The following SUGCT variants were observed in gnomAD, a reference collection of about 807,000 sequenced individuals.
SUGCT encodes succinyl-CoA:glutarate CoA-transferase.
In SUGCT, 41 loss-of-function variants were observed where a neutral mutation model predicts 55.0. That is an observed-to-expected ratio of 0.74 (90% confidence interval 0.58 to 0.97). SUGCT has a LOEUF of 0.97. Ranked by LOEUF, SUGCT falls within the 50% of genes least tolerant of loss-of-function variation. The pLI, the probability that SUGCT is intolerant of heterozygous loss-of-function variation, is 0.00. For missense variants in SUGCT, 568 were observed against 547.8 expected, an observed-to-expected ratio of 1.04 and a Z score of -0.37; for synonymous variants, 187 against 200.4, an observed-to-expected ratio of 0.93 and a Z score of 0.56.
At chr7:40,660,601 T>C (rs560482997) in intron 12 of SUGCT, among the ~76,000 whole-genome samples, 68 of 152,140 alleles carry the variant, frequency 4.5e-4, no homozygotes, top group Non-Finnish European at 7.3e-4. Context: ...CACTCATCAG[T>C]TCTCAGACCT....
At chr7:40,376,951 C>T (rs904298526) in intron 9 of SUGCT, among the ~76,000 whole-genome samples, 7 of 151,148 alleles carry the variant, frequency 4.6e-5, no homozygotes, top group Non-Finnish European at 1.0e-4. Context: ...TATTTTTTCC[C>T]CCAGCGTGTT....
chr7:40,390,858 G>A (rs1785388565), intron 9 of SUGCT, among the ~76,000 whole-genome samples: 1 of 152,130 alleles, frequency 6.6e-6, no homozygotes, highest in African/African-American at 2.4e-5. Context: ...AAAGCTGGAG[G>A]CATCACGCTA....
chr7:40,232,352 C>T (rs1788769962), intron 6 of SUGCT, among the ~76,000 whole-genome samples: 1 of 152,108 alleles, frequency 6.6e-6, no homozygotes, highest in African/African-American at 2.4e-5. Context: ...GCAGTGATGA[C>T]CTACTGAAGG....
rs185407972 is a variant in SUGCT at position 40,853,350 on chromosome 7, G to A, written c.1154-6966G>A. Among the ~76,000 whole-genome samples the A allele has an allele frequency of 7.9e-5, 12 of 152,108 alleles. No homozygotes were observed. The East Asian group carries it at 2.3e-3, about 29-fold the overall frequency. ...TATTGATTGACAGAGCATGAGCCAT[G>A]GAGTCTAATAGATAGAAGCTCTTTT... is the stretch of plus-strand genomic sequence containing the variant. On this transcript the variant is annotated intron_variant, in intron 13 of 13. Coordinates refer to ENST00000335693, the MANE Select transcript of SUGCT (RefSeq NM_001193313.2).
the SUGCT span, among the ~76,000 whole-genome samples, chr7:41,036,930 C>G: frequency 6.6e-6 from 1 of 152,212 alleles, no homozygotes; most frequent in Non-Finnish European, 1.5e-5. Context: ...CAGGCACAAA[C>G]TTTGAGTCTA....
At chr7:40,597,121 T>G (rs1014237794) in intron 12 of SUGCT, among the ~76,000 whole-genome samples, 1 of 152,230 alleles carries the variant, frequency 6.6e-6, no homozygotes, top group African/African-American at 2.4e-5. Flanking sequence ...CTAGAACTTA[T>G]ATCTTTTTGT....
intron 12 of SUGCT, chr7:40,538,473 T>C (rs1413368639): frequency 1.3e-5 from 2 of 152,194 alleles, no homozygotes; most frequent in Non-Finnish European, 2.9e-5. Context: ...CCCTCCTTCC[T>C]AAAATGGTCT....
chr7:40,617,154 A>G (rs1201382170), intron 12 of SUGCT, among the ~76,000 whole-genome samples: 1 of 152,182 alleles, frequency 6.6e-6, no homozygotes. Context: ...GAAGAAATCA[A>G]TCCTAAAGAC....
chr7:40,406,480 C>T (rs1184239799), intron 9 of SUGCT, among the ~76,000 whole-genome samples: 2 of 152,132 alleles, frequency 1.3e-5, no homozygotes, highest in Non-Finnish European at 2.9e-5. Flanking sequence ...AAGTAAATTC[C>T]TCTCAAGTTT....
chr7:40,239,025 T>A (rs1364513312), intron 7 of SUGCT, among the ~76,000 whole-genome samples: 2 of 152,138 alleles, frequency 1.3e-5, no homozygotes, highest in Non-Finnish European at 2.9e-5. Context: ...TTCACCGTCT[T>A]GACCAGGCTG....
At chr7:40,516,030 T>C (rs1793211214) in intron 12 of SUGCT, among the ~76,000 whole-genome samples, 1 of 152,232 alleles carries the variant, frequency 6.6e-6, no homozygotes, top group Non-Finnish European at 1.5e-5. Context: ...CTTTCTTCTT[T>C]TCATTTCTTT....
At chr7:40,697,814 T>C (rs930990792) in intron 12 of SUGCT, among the ~76,000 whole-genome samples, 11 of 152,200 alleles carry the variant, frequency 7.2e-5, no homozygotes, top group Non-Finnish European at 1.5e-5. Context: ...TGGCTCATAC[T>C]ACACCTTATT....
intron 13 of SUGCT, among the ~76,000 whole-genome samples, chr7:40,781,596 G>C (rs1789753935): frequency 6.6e-6 from 1 of 152,164 alleles, no homozygotes; most frequent in Non-Finnish European, 1.5e-5. Context: ...AGGTTGTGTA[G>C]TTCAGACCAA....
chr7:40,668,736 CA>C (rs1017379722), intron 12 of SUGCT, among the ~76,000 whole-genome samples: 8 of 152,040 alleles, frequency 5.3e-5, no homozygotes, highest in Non-Finnish European at 7.4e-5. Flanking sequence ...CCTAATAGGC[CA>C]TGGACAATGA....
At chr7:40,298,448 C>T (rs1296735965) in intron 8 of SUGCT, among the ~76,000 whole-genome samples, 2 of 152,140 alleles carry the variant, frequency 1.3e-5, no homozygotes, top group Non-Finnish European at 2.9e-5. Flanking sequence ...ATTTTGTCAT[C>T]TGTATTTGTT....
At chr7:40,874,218 T>A in the SUGCT span, among the ~76,000 whole-genome samples, 2 of 152,194 alleles carry the variant, frequency 1.3e-5, no homozygotes, top group Non-Finnish European at 1.5e-5. Flanking sequence ...TATGATGATG[T>A]TGTAGGTTTT....
At chr7:40,271,066 G>A (rs1282636144) in intron 7 of SUGCT, among the ~76,000 whole-genome samples, 1 of 151,928 alleles carries the variant, frequency 6.6e-6, no homozygotes, top group Non-Finnish European at 1.5e-5. Context: ...TGCTTAACTC[G>A]ATTACTAGTT....
chr7:40,212,954 C>T (rs1320806458), intron 6 of SUGCT, among the ~76,000 whole-genome samples: 3 of 152,040 alleles, frequency 2.0e-5, no homozygotes, highest in Non-Finnish European at 2.9e-5. Context: ...TATATGAGAA[C>T]GTCGTATCAT....
intron 13 of SUGCT, among the ~76,000 whole-genome samples, chr7:40,827,119 T>C (rs1027036102): frequency 8.5e-5 from 13 of 152,084 alleles, no homozygotes; most frequent in Non-Finnish European, 1.8e-4. Context: ...AGAAGCTCAG[T>C]GTACTTAGGC....
Sources: allele counts gnomAD v4.1 joint callset (sites outside exome capture counted in the v4.1 genomes callset), GRCh38; gene constraint gnomAD v4.1.1; transcripts MANE v1.5; gene names NCBI Gene and HGNC (gene_info 2026-07-23, HGNC 2026-07-21).